Variants in ZNF407 observed in about 807,000 individuals in gnomAD.
ZNF407 encodes zinc finger protein 407.
Under a neutral mutation model 131.2 loss-of-function variants are expected in ZNF407, and 17 were observed. The ratio of observed to expected loss-of-function variants is 0.13; its 90% CI spans 0.09 to 0.19. The LOEUF is 0.19. Among genes scored for constraint, ZNF407 ranks in the 10% least tolerant of loss-of-function variants. The pLI is 1.00. For missense variants in ZNF407, 2,681 were observed against 2,830.6 expected (o/e 0.95, Z 1.20); for synonymous variants, 1,156 against 1,062.0 (o/e 1.09, Z -1.72).
intron 8 of ZNF407, among the ~76,000 whole-genome samples, chr18:75,000,669 C>G (rs1972834480): frequency 6.6e-6 from 1 of 151,026 alleles, no homozygotes; most frequent in Non-Finnish European, 1.5e-5. Context: ...TATTTTTAAT[C>G]TTTCATCATT....
chr18:74,929,480 GAA>G (rs1971956808), intron 8 of ZNF407, among the ~76,000 whole-genome samples: 1 of 152,172 alleles, frequency 6.6e-6, no homozygotes, highest in Non-Finnish European at 1.5e-5. Flanking sequence ...AATTGATTGT[GAA>G]AAGTTATAGT....
chr18:74,955,572 T>C (rs1331627788), intron 8 of ZNF407, among the ~76,000 whole-genome samples: 1 of 152,190 alleles, frequency 6.6e-6, no homozygotes, highest in Non-Finnish European at 1.5e-5. Context: ...GCAAGTATTA[T>C]TCTTCATAAG....
Position 74,670,416 on chromosome 18 carries a change from G to A in ZNF407, c.4802+29294G>A, listed in dbSNP as rs192455331. 2.5e-3 allele frequency among the ~76,000 whole-genome samples: 381 copies of A among 152,282 alleles called. 1 individual carries two copies. The highest frequency in any genetic ancestry group is 4.6e-3 in the Non-Finnish European group (312 of 68,020). ...TAGATCCCATCTCCAGCACTCATTA[G>A]GATAGGCTTGGGATGAATCTGCATG... is the stretch of plus-strand genomic sequence containing the variant. On this transcript the variant is annotated intron_variant, in intron 3 of 8. Transcript: ENST00000299687.
chr18:74,605,049 T>G (rs1438982454), intron 1 of ZNF407, among the ~76,000 whole-genome samples: 1 of 152,218 alleles, frequency 6.6e-6, no homozygotes, highest in African/African-American at 2.4e-5. Flanking sequence ...AACAGTCTAA[T>G]TTTCATGTAT....
At chr18:74,645,733 C>T (rs377367872) in intron 3 of ZNF407, among the ~76,000 whole-genome samples, 28 of 151,772 alleles carry the variant, frequency 1.8e-4, no homozygotes, top group African/African-American at 6.8e-4. Context: ...TATAATGTCA[C>T]TTTCTGACCT....
intron 1 of ZNF407, among the ~76,000 whole-genome samples, chr18:74,625,898 A>G (rs1278998553): frequency 6.6e-6 from 1 of 152,220 alleles, no homozygotes; most frequent in Non-Finnish European, 1.5e-5. Flanking sequence ...TCTAGCGTGT[A>G]GAGACAGAAA....
At chr18:74,828,265 T>A (rs137874356) in intron 4 of ZNF407, among the ~76,000 whole-genome samples, 162 of 152,318 alleles carry the variant, frequency 1.1e-3, no homozygotes, top group African/African-American at 3.8e-3. Context: ...TGTATCACAT[T>A]TCCCCCGGAG....
rs563657333 is a variant in ZNF407 at position 74,970,167 on chromosome 18, G to A, written c.5428+49475G>A. Among the ~76,000 whole-genome samples the A allele has an allele frequency of 2.0e-5, 3 of 146,438 alleles. No homozygotes were observed. The East Asian group carries it at 6.1e-4, about 30-fold the overall frequency. Reference sequence around the variant, plus strand: ...TGGCCCCCATGATTCAATCACCCCCGCCCCCCTCCAGTCCCTCCCACAACA... The same window carrying A: ...TGGCCCCCATGATTCAATCACCCCCACCCCCCTCCAGTCCCTCCCACAACA... On this transcript the variant is annotated intron_variant, in intron 8 of 8. Transcript: ENST00000299687.
intron 4 of ZNF407, 93 bp from the exon 5 acceptor site, chr18:74,877,104 C>T: frequency 2.7e-6 from 3 of 1,091,354 alleles, no homozygotes; most frequent in South Asian, 1.4e-5. Flanking sequence ...GCTGCGTGTG[C>T]ACCGCACCTC....
At position 74,713,314 on chromosome 18, in the gene ZNF407, G is replaced by A. The variant is rs1599091592; in HGVS notation, c.4803-68114G>A. Among the ~76,000 whole-genome samples, 4 of 148,602 alleles carry A rather than the reference G, an allele frequency of 2.7e-5. No homozygotes were observed. The East Asian group carries it at 7.9e-4, about 29-fold the overall frequency. On this transcript the variant is annotated intron_variant, in intron 3 of 8. Coordinates refer to ENST00000299687, the MANE Select transcript of ZNF407 (RefSeq NM_017757.3). ...TCAGCATTTTTCTATATTTATTAAG[G>A]TACTGAGTAAAACTTACTAGATTTA...
intron 8 of ZNF407, among the ~76,000 whole-genome samples, chr18:75,028,360 C>T (rs1413508305): frequency 6.6e-6 from 1 of 152,114 alleles, no homozygotes; most frequent in Non-Finnish European, 1.5e-5. Context: ...CGTGGCCTTC[C>T]CTCTTGTGTC....
At position 75,045,767 on chromosome 18, in the gene ZNF407, C is replaced by T. The variant is rs547924067; in HGVS notation, c.5429-17383C>T. ...AGTCTTGAGTAACGCTGTAAGGTTT[C>T]GTGCTATGAGGCTATGAGGCTGGTG... On this transcript the variant is annotated intron_variant, in intron 8 of 8. Coordinates refer to ENST00000299687, the MANE Select transcript of ZNF407 (RefSeq NM_017757.3). Among the ~76,000 whole-genome samples, 17 of 152,118 alleles carry T rather than the reference C, an allele frequency of 1.1e-4. No individual in the cohort carries two copies. In the South Asian group the frequency reaches 3.3e-3, roughly 30 times the overall value.
chr18:74,679,857 A>G (rs1341422006), intron 3 of ZNF407, among the ~76,000 whole-genome samples: 1 of 152,232 alleles, frequency 6.6e-6, no homozygotes, highest in Non-Finnish European at 1.5e-5. Context: ...GTTTCAGATC[A>G]TCAGTGGTTC....
At chr18:74,975,210 G>A (rs551509044) in intron 8 of ZNF407, among the ~76,000 whole-genome samples, 8 of 152,304 alleles carry the variant, frequency 5.3e-5, no homozygotes, top group African/African-American at 1.4e-4. Context: ...GAGTTATGGC[G>A]ATATATTACC....
chr18:75,060,348 G>GGGCCA (rs1973611829), intron 8 of ZNF407: 1 of 152,224 alleles, frequency 6.6e-6, no homozygotes, highest in Non-Finnish European at 1.5e-5. Flanking sequence ...TGGTGCGTGA[G>GGGCCA]GGCCAGGCCA....
At chr18:74,758,167 G>A (rs1424548886) in intron 3 of ZNF407, among the ~76,000 whole-genome samples, 3 of 152,006 alleles carry the variant, frequency 2.0e-5, no homozygotes, top group East Asian at 1.9e-4. Flanking sequence ...GGATTTACAC[G>A]TGCTATTTTG....
chr18:74,718,143 A>G (rs1381586022), intron 3 of ZNF407, among the ~76,000 whole-genome samples: 1 of 152,080 alleles, frequency 6.6e-6, no homozygotes, highest in East Asian at 1.9e-4. Flanking sequence ...CTCTGAAACC[A>G]TTGACGAATA....
intron 8 of ZNF407, among the ~76,000 whole-genome samples, chr18:74,931,662 A>G (rs1041054311): frequency 6.6e-6 from 1 of 152,192 alleles, no homozygotes; most frequent in Non-Finnish European, 1.5e-5. Flanking sequence ...TGTCTAAAAA[A>G]AAAACTGTTG....
intron 3 of ZNF407, among the ~76,000 whole-genome samples, chr18:74,687,032 A>G (rs758712501): frequency 2.6e-5 from 4 of 152,204 alleles, no homozygotes; most frequent in Non-Finnish European, 5.9e-5. Flanking sequence ...CTCTTGGGGA[A>G]TATGCACAAT....
Sources: gnomAD v4.1 joint callset for allele counts (sites outside exome capture counted in the v4.1 genomes callset) on GRCh38, gnomAD v4.1.1 for gene constraint, MANE v1.5 for transcripts, NCBI Gene and HGNC (gene_info 2026-07-23, HGNC 2026-07-21) for gene names.